SLC4A5: variants seen among roughly 807,000 people sequenced by gnomAD.
SLC4A5 encodes electrogenic sodium bicarbonate cotransporter 4.
Under a neutral mutation model 120.4 loss-of-function variants are expected in SLC4A5, and 96 were observed. The ratio of observed to expected loss-of-function variants is 0.80; its 90% confidence interval spans 0.68 to 0.94. The LOEUF (loss-of-function observed/expected upper bound fraction) is 0.94. Among genes scored for constraint, SLC4A5 ranks in the 40% least tolerant of loss-of-function variants. The pLI is 0.00. For missense variants in SLC4A5, 1,259 were observed against 1,459.5 expected, an observed-to-expected ratio of 0.86 and a Z score of 2.24; for synonymous variants, 550 against 571.1, an observed-to-expected ratio of 0.96 and a Z score of 0.53.
At chr2:74,303,105 GGTGTGTGTGTGCGTGT>G (rs1672525924) in intron 7 of SLC4A5, among the ~76,000 whole-genome samples, 1 of 150,102 alleles carries the variant, frequency 6.7e-6, no homozygotes, top group African/African-American at 2.5e-5. Flanking sequence ...CTGTGCATGT[GGTGTGTGTGTGCGTGT>G]GTGTGTGTGT....
intron 18 of SLC4A5, among the ~76,000 whole-genome samples, 170 bp downstream of exon 18, chr2:74,248,183 G>A (rs189631448): frequency 1.6e-3 from 246 of 152,302 alleles, no homozygotes; most frequent in African/African-American, 5.8e-3. Context: ...CTTAAAGGCA[G>A]GTAGCTGGCA....
intron 7 of SLC4A5, among the ~76,000 whole-genome samples, chr2:74,286,871 T>G (rs1672000978): frequency 6.6e-6 from 1 of 152,128 alleles, no homozygotes; most frequent in Non-Finnish European, 1.5e-5. Flanking sequence ...GGTGGAAACG[T>G]GCTGGTGAGT....
At chr2:74,241,763 A>C (rs115690259) in intron 20 of SLC4A5, among the ~76,000 whole-genome samples, 2,763 of 150,706 alleles carry the variant, frequency 0.018, 83 homozygotes, top group African/African-American at 0.064. Context: ...AAAAACGCAC[A>C]AAAAAACATG....
chr2:74,267,492 C>T (rs1671341678), intron 8 of SLC4A5, among the ~76,000 whole-genome samples: 1 of 152,200 alleles, frequency 6.6e-6, no homozygotes, highest in South Asian at 2.1e-4. Flanking sequence ...GGTGAACTCA[C>T]ATACTGACAG....
chr2:74,299,104 A>T (rs886222599), intron 7 of SLC4A5, among the ~76,000 whole-genome samples: 3 of 151,874 alleles, frequency 2.0e-5, no homozygotes, highest in Non-Finnish European at 4.4e-5. Context: ...TAATCCCAGC[A>T]CTTTGGGAGG....
exon 28 of SLC4A5, chr2:74,224,923 T>C: frequency 6.2e-7 from 1 of 1,614,184 alleles, no homozygotes; most frequent in Non-Finnish European, 8.5e-7. Flanking sequence ...GGGAGGATGT[T>C]GTCAATCCAG....
At chr2:74,325,320 T>C (rs934127161) in intron 5 of SLC4A5, among the ~76,000 whole-genome samples, 3 of 152,230 alleles carry the variant, frequency 2.0e-5, no homozygotes, top group African/African-American at 7.2e-5. Flanking sequence ...AGCTATAATG[T>C]AGCTATAATA....
intron 5 of SLC4A5, among the ~76,000 whole-genome samples, chr2:74,323,954 T>C (rs1673154207): frequency 6.6e-6 from 1 of 152,224 alleles, no homozygotes; most frequent in East Asian, 1.9e-4. Context: ...TGGTTATCTT[T>C]GGGAAGTGGA....
intron 11 of SLC4A5, 104 bp downstream of exon 11, chr2:74,262,033 T>C: frequency 9.7e-7 from 1 of 1,030,470 alleles, no homozygotes; most frequent in Non-Finnish European, 1.4e-6. Context: ...TGAGAATTCT[T>C]GGCAGATCCT....
chr2:74,261,125 G>A (rs192031337), intron 11 of SLC4A5, among the ~76,000 whole-genome samples: 68 of 152,262 alleles, frequency 4.5e-4, no homozygotes, highest in Non-Finnish European at 8.5e-4. Context: ...ACCTCATGGC[G>A]GGTGCCCACC....
At chr2:74,290,200 C>T (rs1411021525) in intron 7 of SLC4A5, 2 of 985,382 alleles carry the variant, frequency 2.0e-6, no homozygotes, top group Non-Finnish European at 2.4e-6. Context: ...AGAGAGGAGA[C>T]AGGCAGAGAG....
intron 4 of SLC4A5, among the ~76,000 whole-genome samples, chr2:74,329,625 G>A (rs1455711392): frequency 6.6e-6 from 1 of 151,886 alleles, no homozygotes; most frequent in Non-Finnish European, 1.5e-5. Context: ...ACATGGTGAG[G>A]TGTAGATGGA....
intron 5 of SLC4A5, among the ~76,000 whole-genome samples, chr2:74,323,221 AGAG>A (rs1673137723): frequency 6.6e-6 from 1 of 152,186 alleles, no homozygotes; most frequent in South Asian, 2.1e-4. Flanking sequence ...CCTAGGTGAC[AGAG>A]TGAGACTCTG....
chr2:74,257,823 C>T (rs888075850), intron 12 of SLC4A5, among the ~76,000 whole-genome samples: 1 of 152,178 alleles, frequency 6.6e-6, no homozygotes, highest in African/African-American at 2.4e-5. Flanking sequence ...ATCCATCAGC[C>T]TCAGCCTCCC....
In SLC4A5 at chr2:74,255,582, C is replaced by T. The variant is rs1400788525; in HGVS notation, c.1025+193G>A. ...TGCTGGGATTACAGGCGTGAGCCAC[C>T]GCACCTGGCCTCTTTTGTTATTATT... On this transcript the variant is annotated intron_variant, in intron 13 of 30. Transcript: ENST00000394019. The surrounding 1 kb of genome is among the most constrained non-coding windows in gnomAD (Gnocchi z 4.0). 1.3e-5 allele frequency among the ~76,000 whole-genome samples: 2 copies of T among 152,204 alleles called. No individual in the cohort carries two copies. Among genetic ancestry groups the T allele is most frequent in the African/African-American group, 2.4e-5 (1 of 41,462 alleles).
intron 4 of SLC4A5, among the ~76,000 whole-genome samples, chr2:74,333,687 A>G (rs964461359): frequency 1.3e-5 from 2 of 152,186 alleles, no homozygotes; most frequent in Non-Finnish European, 2.9e-5. Context: ...AATCCCTTGC[A>G]GATGCTGAGG....
intron 22 of SLC4A5, among the ~76,000 whole-genome samples, chr2:74,234,528 C>T (rs1027692354): frequency 1.3e-5 from 2 of 152,212 alleles, no homozygotes; most frequent in South Asian, 4.1e-4. Flanking sequence ...AAGCATATGT[C>T]ACCAGTTCTA....
chr2:74,294,850 T>G (rs1034755613), intron 7 of SLC4A5, among the ~76,000 whole-genome samples: 1 of 152,104 alleles, frequency 6.6e-6, no homozygotes, highest in Non-Finnish European at 1.5e-5. Context: ...TTTTATATTT[T>G]TAGTAGAAAC....
chr2:74,304,790 C>G lies in SLC4A5; in HGVS notation c.80-110G>C, dbSNP rs527905617. On this transcript the variant is annotated intron_variant, in intron 6 of 30. Transcript: ENST00000394019. ...TGGGCTGCAGAAGCAAAATGGAAGA[C>G]ATGGAGTGCCAGGATGGGGTCATTG... 31 of 1,069,688 alleles carry G rather than the reference C, an allele frequency of 2.9e-5. No homozygotes were observed. In the African/African-American group the frequency reaches 4.5e-4, roughly 15 times the overall value. The allele number at this position is 1,069,688 out of a possible 1,614,324, so 66.3% of individuals were successfully genotyped here. A position where few individuals can be genotyped will look rare whatever the true frequency, so the allele number is the denominator to read the frequency against.
Sources: allele counts gnomAD v4.1 joint callset (sites outside exome capture counted in the v4.1 genomes callset), GRCh38; gene constraint gnomAD v4.1.1; non-coding constraint Gnocchi (gnomAD v3.1); transcripts MANE v1.5; gene names NCBI Gene and HGNC (gene_info 2026-07-23, HGNC 2026-07-21).